RANBP2: variants seen among roughly 807,000 people sequenced by gnomAD.
RANBP2 encodes the protein RAN binding protein 2, also known as E3 SUMO-protein ligase RanBP2.
Under a neutral mutation model 303.6 loss-of-function variants are expected in RANBP2, and 57 were observed. That is an observed-to-expected ratio of 0.19 (90% CI 0.15 to 0.23). The LOEUF (loss-of-function observed/expected upper bound fraction) is 0.23. Among genes scored for constraint, RANBP2 ranks in the 10% least tolerant of loss-of-function variants. RANBP2 has a pLI of 1.00. For missense variants in RANBP2, 3,138 were observed against 3,780.8 expected, an observed-to-expected ratio of 0.83 and a Z score of 4.46; for synonymous variants, 1,167 against 1,301.5, an observed-to-expected ratio of 0.90 and a Z score of 2.23.
chr2:109,613,116 T>C, the RANBP2 span: 6 of 1,203,850 alleles, frequency 5.0e-6, no homozygotes, highest in South Asian at 2.5e-5. Context: ...CCATACCATG[T>C]AGCCTTTGGA....
chr2:109,340,729 C>G, the RANBP2 span, among the ~76,000 whole-genome samples: 1 of 152,108 alleles, frequency 6.6e-6, no homozygotes, highest in African/African-American at 2.4e-5. Flanking sequence ...CAGTTTTATT[C>G]TCAGCATACT....
chr2:109,104,937 C>A, the RANBP2 span, among the ~76,000 whole-genome samples: 1 of 152,174 alleles, frequency 6.6e-6, no homozygotes, highest in Non-Finnish European at 1.5e-5. Context: ...ACTGTCATGA[C>A]CCCGGTTTGC....
chr2:109,078,184 C>CATGT, the RANBP2 span, among the ~76,000 whole-genome samples: 3,495 of 58,608 alleles, frequency 0.06, 622 homozygotes, highest in Non-Finnish European at 0.082. Flanking sequence ...ATATATATAG[C>CATGT]ATATATATAT....
At chr2:109,038,513 A>G in the RANBP2 span, among the ~76,000 whole-genome samples, 1 of 152,042 alleles carries the variant, frequency 6.6e-6, no homozygotes, top group African/African-American at 2.4e-5. Context: ...TCTCTAAATA[A>G]ATAAATATAT....
the RANBP2 span, among the ~76,000 whole-genome samples, chr2:109,363,438 A>G: frequency 6.6e-6 from 1 of 152,222 alleles, no homozygotes; most frequent in Non-Finnish European, 1.5e-5. Context: ...ATGTAAACAC[A>G]CACACATAAG....
chr2:109,523,239 G>A, the RANBP2 span, among the ~76,000 whole-genome samples: 1 of 152,176 alleles, frequency 6.6e-6, no homozygotes, highest in Non-Finnish European at 1.5e-5. Flanking sequence ...CATATCATGT[G>A]GCGGAGAGGC....
At chr2:109,395,388 C>T in the RANBP2 span, among the ~76,000 whole-genome samples, 1 of 152,226 alleles carries the variant, frequency 6.6e-6, no homozygotes, top group Non-Finnish European at 1.5e-5. Flanking sequence ...AGGATACAGC[C>T]TAACCCCTCC....
the RANBP2 span, among the ~76,000 whole-genome samples, chr2:109,356,623 G>C: frequency 3.9e-5 from 6 of 152,290 alleles, no homozygotes; most frequent in African/African-American, 1.4e-4. Context: ...TGGCACTTAG[G>C]AGATGCTTGA....
At chr2:109,399,739 G>A in the RANBP2 span, among the ~76,000 whole-genome samples, 2 of 152,242 alleles carry the variant, frequency 1.3e-5, no homozygotes, top group Non-Finnish European at 2.9e-5. Flanking sequence ...GGCAGGAGTT[G>A]GGCAAGTTTC....
intron 9 of RANBP2, among the ~76,000 whole-genome samples, chr2:108,750,649 G>A (rs1351768236): frequency 2.0e-5 from 3 of 151,376 alleles, no homozygotes; most frequent in African/African-American, 7.3e-5. Flanking sequence ...GTGCAGTGGC[G>A]CAATCTCGGC....
At chr2:108,910,941 C>G in the RANBP2 span, 1 of 1,614,058 alleles carries the variant, frequency 6.2e-7, no homozygotes, top group Non-Finnish European at 8.5e-7. Context: ...GCATGGGGGC[C>G]GTCACCTGGG....
the RANBP2 span, among the ~76,000 whole-genome samples, chr2:109,341,629 G>C: frequency 1.3e-5 from 2 of 152,158 alleles, no homozygotes; most frequent in African/African-American, 4.8e-5. Context: ...CATGGTATGG[G>C]GGTGTGTTCT....
the RANBP2 span, among the ~76,000 whole-genome samples, chr2:109,120,872 G>A: frequency 6.6e-6 from 1 of 152,252 alleles, no homozygotes; most frequent in Admixed American, 6.5e-5. Context: ...GTACAGAGAA[G>A]CCCTGCACCA....
the RANBP2 span, among the ~76,000 whole-genome samples, chr2:109,670,342 G>T: frequency 6.8e-5 from 9 of 131,534 alleles, no homozygotes; most frequent in Middle Eastern, 3.9e-3. Context: ...TGGTTGGGGG[G>T]TGCTATTGGG....
At chr2:109,089,789 A>C in the RANBP2 span, among the ~76,000 whole-genome samples, 1 of 152,188 alleles carries the variant, frequency 6.6e-6, no homozygotes, top group African/African-American at 2.4e-5. Context: ...GAAGGAACTC[A>C]GATAAAACAA....
chr2:108,948,587 G>A, the RANBP2 span, among the ~76,000 whole-genome samples: 1 of 152,182 alleles, frequency 6.6e-6, no homozygotes, highest in African/African-American at 2.4e-5. Context: ...AAGGCAAAGG[G>A]GAAGCAAGGC....
chr2:109,373,181 G>C, the RANBP2 span, among the ~76,000 whole-genome samples: 1 of 152,306 alleles, frequency 6.6e-6, no homozygotes, highest in African/African-American at 2.4e-5. Context: ...AAGTTTCCAT[G>C]TATTTGCACA....
the RANBP2 span, among the ~76,000 whole-genome samples, chr2:109,657,810 C>T: frequency 6.7e-6 from 1 of 149,806 alleles, no homozygotes; most frequent in Non-Finnish European, 1.5e-5. Context: ...ACCTCCTCCT[C>T]CTGGGCTCAA....
chr2:108,977,215 A>C, the RANBP2 span, among the ~76,000 whole-genome samples: 1 of 152,130 alleles, frequency 6.6e-6, no homozygotes, highest in Non-Finnish European at 1.5e-5. Flanking sequence ...GACCATCAGC[A>C]CTGCCTTTGC....
Sources: gnomAD v4.1 joint callset for allele counts (sites outside exome capture counted in the v4.1 genomes callset) on GRCh38, gnomAD v4.1.1 for gene constraint, MANE v1.5 for transcripts, NCBI Gene and HGNC (gene_info 2026-07-23, HGNC 2026-07-21) for gene names.